The following KLHL15 variants were observed in gnomAD, a reference collection of about 807,000 sequenced individuals.
KLHL15 encodes the protein kelch like family member 15.
KLHL15 carries 1 observed loss-of-function variant against 29.3 expected under a neutral mutation model. The observed-to-expected ratio is 0.03, with a 90% CI of 0.01 to 0.16. KLHL15 has a LOEUF of 0.16. Among genes scored for constraint, KLHL15 ranks in the 10% least tolerant of loss-of-function variants. The probability of loss-of-function intolerance (pLI) is 1.00; values close to 1 mark genes in which losing one functional copy is unlikely to be tolerated. For synonymous variants in KLHL15, 212 were observed against 184.5 expected (o/e 1.15, Z -1.21); for missense variants, 215 against 478.5 (o/e 0.45, Z 5.14).
intron 2 of KLHL15, among the ~76,000 whole-genome samples, chrX:24,007,963 C>T (rs912943363): frequency 2.7e-5 from 3 of 109,678 alleles, no homozygotes; most frequent in Non-Finnish European, 5.7e-5. Flanking sequence ...CTGAGTACGT[C>T]TTCGAAAACT....
At chrX:23,996,418 C>A (rs1929190669) in intron 3 of KLHL15, among the ~76,000 whole-genome samples, 1 of 112,168 alleles carries the variant, frequency 8.9e-6, no homozygotes, top group African/African-American at 3.2e-5. Flanking sequence ...GTAATCCCAA[C>A]ACTTTGGGAG....
intron 2 of KLHL15, among the ~76,000 whole-genome samples, chrX:24,020,880 A>C (rs1031822535): frequency 1.8e-5 from 2 of 112,145 alleles, no homozygotes; most frequent in Non-Finnish European, 3.8e-5. Flanking sequence ...AATATTTTGG[A>C]AAGTCTTGCT....
rs111474194 is a variant in KLHL15 at position 24,008,870 on chromosome X, A to AG, written c.-7-2171dup. On this transcript the variant is annotated intron_variant, in intron 2 of 3. Coordinates refer to ENST00000328046, the MANE Select transcript of KLHL15 (RefSeq NM_030624.3). ...CTCTAGCTCTACTCCCACGCGTGTT[A>AG]GAAAAAAAAAAAACAAAACAAAAAA... Among the ~76,000 whole-genome samples, 605 of 78,989 alleles carry AG rather than the reference A, an allele frequency of 7.7e-3. 6 individuals are homozygous for AG. The highest frequency in any genetic ancestry group is 0.042 in the African/African-American group (577 of 13,857). 68.6% of individuals were successfully genotyped at this position (78,989 alleles called of 115,157 possible). A position where few individuals can be genotyped will look rare whatever the true frequency, so the allele number is the denominator to read the frequency against.
At chrX:24,017,586 G>C (rs1235434276) in intron 2 of KLHL15, among the ~76,000 whole-genome samples, 1 of 109,229 alleles carries the variant, frequency 9.2e-6, no homozygotes, top group Non-Finnish European at 1.9e-5. Context: ...TTCGAGGCCA[G>C]CATGGGCAAC....
chrX:24,025,327 G>T (rs1251931082), intron 1 of KLHL15, among the ~76,000 whole-genome samples: 1 of 109,227 alleles, frequency 9.2e-6, no homozygotes, highest in Non-Finnish European at 1.9e-5. Flanking sequence ...CACCCACGCC[G>T]GGGGTGGAGG....
At chrX:24,014,718 G>C (rs1161081166) in intron 2 of KLHL15, among the ~76,000 whole-genome samples, 1 of 111,927 alleles carries the variant, frequency 8.9e-6, no homozygotes, top group African/African-American at 3.2e-5. Flanking sequence ...TGGGCACCCA[G>C]CCTGCTGAGA....
chrX:24,021,177 G>A (rs148149718), intron 2 of KLHL15, among the ~76,000 whole-genome samples: 199 of 111,702 alleles, frequency 1.8e-3, no homozygotes, highest in African/African-American at 6.2e-3. Context: ...GATGAACTAT[G>A]AGAGCCTTTC....
At position 23,984,427 on chromosome X, in the gene KLHL15, ACAAAAAT is replaced by A. The variant is rs1928950592; in HGVS notation, c.*3487_*3493del. On this transcript the variant is annotated 3_prime_UTR_variant, in exon 4 of 4. Transcript: ENST00000328046. ...CTCTCAAAATGTTCAGAATACAAAA[ACAAAAAT>A]CAAAAATGTATAACAGGCAAACAAG... is the stretch of plus-strand genomic sequence containing the variant. The A allele has an allele frequency of 8.9e-6, 1 of 112,356 alleles. No individual in the cohort carries two copies. Among genetic ancestry groups the A allele is most frequent in the South Asian group, 3.7e-4 (1 of 2,727 alleles). The allele number at this position is 112,356 out of a possible 1,213,427, so 9.3% of individuals were successfully genotyped here.
chrX:24,013,539 C>G (rs1427689352), intron 2 of KLHL15, among the ~76,000 whole-genome samples: 4 of 110,532 alleles, frequency 3.6e-5, no homozygotes, highest in African/African-American at 1.3e-4. Flanking sequence ...GCTGGGATTA[C>G]AGGCGTAAGC....
chrX:24,024,588 C>A (rs767268118), intron 2 of KLHL15, among the ~76,000 whole-genome samples: 9 of 112,506 alleles, frequency 8.0e-5, no homozygotes, highest in Admixed American at 3.7e-4. Context: ...AGGGAAGGAA[C>A]GGGTTAGGCA....
chrX:23,995,817 T>C (rs1929176916), intron 3 of KLHL15, among the ~76,000 whole-genome samples: 1 of 111,687 alleles, frequency 9.0e-6, no homozygotes, highest in African/African-American at 3.3e-5. Flanking sequence ...TGGTGCGATC[T>C]TGGCTCACTG....
At chrX:24,009,712 G>A (rs1324548695) in intron 2 of KLHL15, among the ~76,000 whole-genome samples, 5 of 95,516 alleles carry the variant, frequency 5.2e-5, no homozygotes, top group South Asian at 5.0e-4. Flanking sequence ...AAAAAAAGCC[G>A]GGCTCAGTGG....
intron 3 of KLHL15, among the ~76,000 whole-genome samples, chrX:24,005,277 G>C (rs1484224220): frequency 8.9e-6 from 1 of 112,397 alleles, no homozygotes; most frequent in Non-Finnish European, 1.9e-5. Context: ...CTGTTTCAGA[G>C]AAAGACTATT....
At chrX:23,998,306 G>T (rs1929236602) in intron 3 of KLHL15, among the ~76,000 whole-genome samples, 1 of 110,209 alleles carries the variant, frequency 9.1e-6, no homozygotes, top group Non-Finnish European at 1.9e-5. Context: ...GCCCAGGCTG[G>T]AGTGCAGTGG....
Position 23,996,731 on chromosome X carries a change from C to T in KLHL15, c.706-7701G>A, listed in dbSNP as rs143801335. 4.3e-3 allele frequency among the ~76,000 whole-genome samples: 482 copies of T among 112,057 alleles called. 6 individuals are homozygous for T. The highest frequency in any genetic ancestry group is 0.015 in the African/African-American group (460 of 30,889). On this transcript the variant is annotated intron_variant, in intron 3 of 3. Coordinates refer to ENST00000328046, the MANE Select transcript of KLHL15 (RefSeq NM_030624.3). ...GATATAATTTTGATTCTCAGTAAAA[C>T]ATGGAGCAGTCTTTAGATGCTATAT... is the stretch of plus-strand genomic sequence containing the variant.
intron 3 of KLHL15, among the ~76,000 whole-genome samples, chrX:23,999,499 A>G (rs58585760): frequency 0.45 from 47,507 of 105,925 alleles, 9,813 homozygotes; most frequent in South Asian, 0.76. Flanking sequence ...GGAGGCTGAC[A>G]CAGGAGAATG....
rs1253572670 is a variant in KLHL15 at position 23,988,095 on chromosome X, A to G, written c.1641T>C (p.Leu547=). Residue 547 remains leucine (L), a synonymous_variant, in exon 4 of 4, where the codon CTT becomes CTC. Transcript: ENST00000328046. The part of the protein sequence containing the change: ...VTVLDKQIMV[L]GGLCYNGHYS... ...AATGACCATTATAACAAAGGCCTCC[A>G]AGAACCATTATTTGTTTGTCCAGCA... is the stretch of plus-strand genomic sequence containing the variant. The G allele has an allele frequency of 8.3e-7, 1 of 1,211,458 alleles. No individual in the cohort carries two copies. Among genetic ancestry groups the G allele is most frequent in the East Asian group, 3.0e-5 (1 of 33,851 alleles).
chrX:24,005,521 C>T (rs1264392866), intron 3 of KLHL15, among the ~76,000 whole-genome samples: 1 of 111,470 alleles, frequency 9.0e-6, no homozygotes, highest in Non-Finnish European at 1.9e-5. Context: ...TTTTGTACGT[C>T]CTTGCTATAT....
intron 3 of KLHL15, among the ~76,000 whole-genome samples, chrX:23,992,985 T>C (rs1176472164): frequency 1.8e-5 from 2 of 111,710 alleles, no homozygotes; most frequent in Admixed American, 9.5e-5. Context: ...CCCCATCCCA[T>C]AGGGTGGTTA....
Sources: allele counts gnomAD v4.1 joint callset (sites outside exome capture counted in the v4.1 genomes callset), GRCh38; gene constraint gnomAD v4.1.1; transcripts MANE v1.5; gene names NCBI Gene and HGNC (gene_info 2026-07-23, HGNC 2026-07-21).